CTNNBL1: variants seen among roughly 807,000 people sequenced by gnomAD.
CTNNBL1 encodes beta-catenin-like protein 1.
CTNNBL1 carries 31 observed loss-of-function variants against 72.7 expected under a neutral mutation model. That is an observed-to-expected ratio of 0.43 (90% CI 0.32 to 0.58). The LOEUF is 0.58. Ranked by LOEUF, CTNNBL1 falls within the 20% of genes least tolerant of loss-of-function variation. CTNNBL1 has a pLI of 0.08. For synonymous variants in CTNNBL1, 240 were observed against 267.3 expected, an observed-to-expected ratio of 0.90 and a Z score of 1.00; for missense variants, 534 against 725.1, an observed-to-expected ratio of 0.74 and a Z score of 3.03.
chr20:37,852,192 G>T (rs987916249), intron 13 of CTNNBL1, among the ~76,000 whole-genome samples: 2 of 152,198 alleles, frequency 1.3e-5, no homozygotes, highest in Non-Finnish European at 2.9e-5. Context: ...GTCTTGTTCA[G>T]ATACAGTCCA....
In CTNNBL1 at chr20:37,694,113, G is replaced by C. The variant is rs1324716724; in HGVS notation, c.-10G>C. ...TGCAGGGAAGTGGAGTATTTGCTGG[G>C]CCGGGTACCATGGACGTGGGCGAAC... On this transcript the variant is annotated 5_prime_UTR_variant, in exon 1 of 16. Transcript: ENST00000361383. The C allele has an allele frequency of 1.9e-6, 3 of 1,604,078 alleles. No homozygotes were observed. Among genetic ancestry groups the C allele is most frequent in the Non-Finnish European group, 2.6e-6 (3 of 1,175,968 alleles).
At position 37,746,583 on chromosome 20, in the gene CTNNBL1, G is replaced by A. The variant is rs755928160; in HGVS notation, c.442G>A (p.Gly148Ser). 3.6e-5 allele frequency: 58 copies of A among 1,613,954 alleles called. No individual in the cohort carries two copies. In the South Asian group the frequency reaches 4.9e-4, roughly 14 times the overall value. ...VELNAVQSLL[G>S]LLGHDNTDVS... ...GCTGAATGCTGTACAGTCGCTTCTC[G>A]GCTTGCTCGGACACGATAATACAGA... The change falls in exon 4 of 16, where the codon GGC (glycine) becomes AGC (serine). Residue 148 changes from glycine to serine, a missense_variant. Coordinates refer to ENST00000361383, the MANE Select transcript of CTNNBL1 (RefSeq NM_030877.5).
At position 37,871,927 on chromosome 20, in the gene CTNNBL1, T is replaced by C; in HGVS notation, c.1606T>C (p.Tyr536His). The part of the protein sequence containing the change: ...IKIVRHIIKE[Y>H]AENIGDGRSP... Reference sequence around the variant, plus strand: ...TGACTCTATCTTTGTCCCCCTAGAGTATGCAGAGAACATCGGGGACGGCCG... The same window carrying C: ...TGACTCTATCTTTGTCCCCCTAGAGCATGCAGAGAACATCGGGGACGGCCG... Residue 536 changes from tyrosine to histidine, a missense_variant and splice_region_variant, in exon 16 of 16, where the codon TAT becomes CAT. Coordinates refer to ENST00000361383, the MANE Select transcript of CTNNBL1 (RefSeq NM_030877.5). 6.2e-7 allele frequency: 1 copy of C among 1,613,560 alleles called. No homozygotes were observed.
At chr20:37,769,451 A>T (rs2073503432) in intron 7 of CTNNBL1, among the ~76,000 whole-genome samples, 1 of 152,210 alleles carries the variant, frequency 6.6e-6, no homozygotes, top group Admixed American at 6.5e-5. Context: ...TGTAATTTTA[A>T]CATCAAGTGA....
chr20:37,771,648 C>T (rs1241400128), intron 7 of CTNNBL1, among the ~76,000 whole-genome samples: 3 of 151,952 alleles, frequency 2.0e-5, no homozygotes, highest in African/African-American at 7.3e-5. Context: ...TGTTCATACT[C>T]CCAACTCTAC....
At chr20:37,820,140 G>C (rs1272592359) in intron 11 of CTNNBL1, among the ~76,000 whole-genome samples, 1 of 151,998 alleles carries the variant, frequency 6.6e-6, no homozygotes, top group Non-Finnish European at 1.5e-5. Flanking sequence ...GCCTCCCAAA[G>C]TGCTGGGATT....
At chr20:37,739,312 A>AT (rs1224491892) in intron 3 of CTNNBL1, among the ~76,000 whole-genome samples, 2 of 151,840 alleles carry the variant, frequency 1.3e-5, no homozygotes, top group African/African-American at 2.4e-5. Flanking sequence ...CTGCACCTTG[A>AT]TTTTTTGGGT....
intron 1 of CTNNBL1, among the ~76,000 whole-genome samples, chr20:37,707,760 A>T (rs1419581033): frequency 1.3e-5 from 2 of 152,224 alleles, no homozygotes; most frequent in African/African-American, 4.8e-5. Flanking sequence ...CTTTCGGCCC[A>T]TTGCCGCTTT....
intron 11 of CTNNBL1, among the ~76,000 whole-genome samples, chr20:37,821,905 A>G (rs573501269): frequency 1.3e-5 from 2 of 152,260 alleles, no homozygotes; most frequent in Non-Finnish European, 2.9e-5. Context: ...AAATTGCAGA[A>G]TATCTCAAAC....
chr20:37,703,270 A>C (rs75095077), intron 1 of CTNNBL1, among the ~76,000 whole-genome samples: 481 of 152,338 alleles, frequency 3.2e-3, no homozygotes, highest in African/African-American at 0.011. Context: ...CTTAATTCAC[A>C]TGCCATCAGA....
At chr20:37,725,187 G>A (rs931659860) in intron 1 of CTNNBL1, among the ~76,000 whole-genome samples, 6 of 151,896 alleles carry the variant, frequency 4.0e-5, no homozygotes, top group Middle Eastern at 3.2e-3. Flanking sequence ...GATTACAGGC[G>A]TGTGCCACTG....
chr20:37,720,916 T>G (rs532781479), intron 1 of CTNNBL1, among the ~76,000 whole-genome samples: 1 of 152,316 alleles, frequency 6.6e-6, no homozygotes, highest in Admixed American at 6.5e-5. Flanking sequence ...CATTGTGTGC[T>G]GGGAGAGATC....
chr20:37,746,516 C>T lies in CTNNBL1; in HGVS notation c.375C>T (p.His125=), dbSNP rs147906955. ...LDLNDIIQEM[H]VVATMPDLYH... ...TAAATGACATCATTCAGGAGATGCA[C>T]GTGGTGGCCACCATGCCAGACCTGT... Residue 125 remains histidine (H), a synonymous_variant, in exon 4 of 16, where the codon CAC becomes CAT. Coordinates refer to ENST00000361383, the MANE Select transcript of CTNNBL1 (RefSeq NM_030877.5). 7.4e-6 allele frequency: 12 copies of T among 1,613,946 alleles called. No homozygotes were observed. The South Asian group carries it at 8.8e-5, about 12-fold the overall frequency.
intron 6 of CTNNBL1, among the ~76,000 whole-genome samples, chr20:37,766,633 G>A (rs137885550): frequency 2.6e-5 from 4 of 152,280 alleles, no homozygotes; most frequent in Non-Finnish European, 4.4e-5. Flanking sequence ...GAAGACAGGT[G>A]CATTTTGACA....
At chr20:37,749,455 C>G (rs1313058588) in intron 4 of CTNNBL1, among the ~76,000 whole-genome samples, 1 of 152,114 alleles carries the variant, frequency 6.6e-6, no homozygotes, top group Non-Finnish European at 1.5e-5. Flanking sequence ...TTGTTAAGTT[C>G]TGGTCTTTAA....
chr20:37,737,720 G>T (rs191389679), intron 3 of CTNNBL1, among the ~76,000 whole-genome samples: 10 of 152,262 alleles, frequency 6.6e-5, no homozygotes, highest in Non-Finnish European at 1.3e-4. Context: ...ACATCAGGTG[G>T]CATCTGGAGA....
chr20:37,779,444 A>T (rs2073606690), intron 10 of CTNNBL1, 109 bp downstream of exon 10: 20 of 1,299,000 alleles, frequency 1.5e-5, no homozygotes, highest in Non-Finnish European at 2.2e-5. Context: ...GGTTTCCTAG[A>T]CTTTACCCTG....
At chr20:37,811,425 G>A (rs2072011415) in intron 11 of CTNNBL1, among the ~76,000 whole-genome samples, 1 of 152,232 alleles carries the variant, frequency 6.6e-6, no homozygotes, top group South Asian at 2.1e-4. Context: ...GGATGAAAAT[G>A]TCTTGCTGTT....
chr20:37,812,241 T>C (rs1174257953), intron 11 of CTNNBL1, among the ~76,000 whole-genome samples: 1 of 152,214 alleles, frequency 6.6e-6, no homozygotes, highest in East Asian at 1.9e-4. Flanking sequence ...CTCTAGCAGG[T>C]AGCATTCAAT....
Sources: allele counts gnomAD v4.1 joint callset (sites outside exome capture counted in the v4.1 genomes callset), GRCh38; gene constraint gnomAD v4.1.1; transcripts MANE v1.5; gene names NCBI Gene and HGNC (gene_info 2026-07-23, HGNC 2026-07-21).